Variants in NFIB observed in about 807,000 individuals in gnomAD.
NFIB encodes the protein nuclear factor I B.
In NFIB, 11 loss-of-function variants were observed where a neutral mutation model predicts 61.5. The observed-to-expected ratio is 0.18, with a 90% CI of 0.11 to 0.30. The LOEUF (loss-of-function observed/expected upper bound fraction) is 0.30. NFIB is among the 10% of genes least tolerant of loss of function. The probability of loss-of-function intolerance (pLI) is 1.00; values close to 1 mark genes in which losing one functional copy is unlikely to be tolerated. For missense variants in NFIB, 471 were observed against 608.9 expected (o/e 0.77, Z 2.38); for synonymous variants, 260 against 216.5 (o/e 1.20, Z -1.76).
At position 14,120,623 on chromosome 9, in the gene NFIB, G is replaced by T; in HGVS notation, c.1062C>A (p.Val354=). The T allele has an allele frequency of 1.3e-6, 2 of 1,594,074 alleles. No homozygotes were observed. Among genetic ancestry groups the T allele is most frequent in the South Asian group, 2.3e-5 (2 of 87,546 alleles). Reference sequence around the variant, plus strand: ...GTGGAGGTGGAGTTCGAGTTGAGATGACTGCAGAAGACAGAAAAGGAAAGA... The same window carrying T: ...GTGGAGGTGGAGTTCGAGTTGAGATTACTGCAGAAGACAGAAAAGGAAAGA... The part of the protein sequence containing the change: ...HPGIPGVAHS[V]ISTRTPPPPS... Residue 354 remains valine, a splice_region_variant and synonymous_variant, in exon 8 of 11, where the codon GTC becomes GTA. Coordinates refer to ENST00000380953, the MANE Select transcript of NFIB (RefSeq NM_001190737.2). The surrounding 1 kb of genome is among the most constrained non-coding windows in gnomAD (Gnocchi z 4.4).
intron 10 of NFIB, among the ~76,000 whole-genome samples, chr9:14,108,448 T>A (rs545965484): frequency 6.6e-6 from 1 of 152,270 alleles, no homozygotes; most frequent in South Asian, 2.1e-4. Flanking sequence ...GGCCATTTTG[T>A]GTAACAGAAA....
the NFIB span, among the ~76,000 whole-genome samples, chr9:14,522,935 G>C: frequency 6.6e-6 from 1 of 152,188 alleles, no homozygotes; most frequent in East Asian, 1.9e-4. Flanking sequence ...AGTGACTGGA[G>C]TGTTTGGGAG....
chr9:14,295,496 GGA>G (rs2059380049), intron 2 of NFIB, among the ~76,000 whole-genome samples: 5 of 151,978 alleles, frequency 3.3e-5, no homozygotes, highest in African/African-American at 9.7e-5. Flanking sequence ...CCGGGCGTGG[GGA>G]AGGGCGCCTG....
chr9:14,164,285 G>T (rs897025876), intron 3 of NFIB, among the ~76,000 whole-genome samples: 1 of 151,948 alleles, frequency 6.6e-6, no homozygotes, highest in East Asian at 1.9e-4. Context: ...GTGTTAATAG[G>T]CAATTTCATG....
chr9:14,280,554 G>A (rs950560434), intron 2 of NFIB, among the ~76,000 whole-genome samples: 2 of 152,048 alleles, frequency 1.3e-5, no homozygotes, highest in African/African-American at 2.4e-5. Context: ...GTGCTCCTGT[G>A]GTCAGTATTC....
intron 6 of NFIB, 124 bp downstream of exon 6, chr9:14,146,565 A>G: frequency 7.5e-7 from 1 of 1,340,264 alleles, no homozygotes; most frequent in Non-Finnish European, 1.0e-6. Flanking sequence ...ATTCTACAGG[A>G]ATCATTTTAT....
intron 1 of NFIB, among the ~76,000 whole-genome samples, chr9:14,348,940 C>T (rs911058231): frequency 6.6e-6 from 1 of 152,322 alleles, no homozygotes; most frequent in African/African-American, 2.4e-5. Context: ...TTCCTGGGCT[C>T]CCGCCCCCAC....
At chr9:14,341,354 C>T (rs2060947749) in intron 1 of NFIB, among the ~76,000 whole-genome samples, 1 of 152,184 alleles carries the variant, frequency 6.6e-6, no homozygotes, top group Non-Finnish European at 1.5e-5. Flanking sequence ...GAAGGATGGA[C>T]AGCTCTCTTT....
intron 2 of NFIB, among the ~76,000 whole-genome samples, chr9:14,248,199 C>G (rs1404580086): frequency 6.6e-6 from 1 of 151,650 alleles, no homozygotes; most frequent in African/African-American, 2.4e-5. Context: ...CTACTTCTTT[C>G]TTTCTTTCCT....
At chr9:14,334,118 C>G (rs2060855399) in intron 1 of NFIB, among the ~76,000 whole-genome samples, 1 of 152,126 alleles carries the variant, frequency 6.6e-6, no homozygotes, top group Non-Finnish European at 1.5e-5. Flanking sequence ...TATTCTGTAC[C>G]CAACAAACCT....
At chr9:14,112,816 A>C (rs1307846305) in intron 10 of NFIB, among the ~76,000 whole-genome samples, 183 bp downstream of exon 10, 2 of 152,206 alleles carry the variant, frequency 1.3e-5, no homozygotes, top group Admixed American at 1.3e-4. Flanking sequence ...CAATTTGAGA[A>C]ACTCTACTCA....
chr9:14,091,254 TAAAA>T (rs539772846), intron 10 of NFIB, among the ~76,000 whole-genome samples: 1 of 145,356 alleles, frequency 6.9e-6, no homozygotes, highest in African/African-American at 2.5e-5. Flanking sequence ...GTAGTCCTGT[TAAAA>T]AAAAAAACTT....
At chr9:14,253,888 A>G (rs1368824168) in intron 2 of NFIB, among the ~76,000 whole-genome samples, 1 of 152,096 alleles carries the variant, frequency 6.6e-6, no homozygotes, top group Non-Finnish European at 1.5e-5. Context: ...CTTGTATTCC[A>G]GCTACACTGG....
chr9:14,519,663 T>G, the NFIB span, among the ~76,000 whole-genome samples: 5 of 152,216 alleles, frequency 3.3e-5, no homozygotes, highest in Admixed American at 6.5e-5. Flanking sequence ...ACTATTAGCA[T>G]GAGGACCCAA....
chr9:14,133,215 C>A (rs1025254990), intron 6 of NFIB, among the ~76,000 whole-genome samples: 6 of 152,076 alleles, frequency 3.9e-5, no homozygotes, highest in African/African-American at 1.4e-4. Flanking sequence ...TAAACAAAAA[C>A]TCTGAATATT....
At chr9:14,201,732 T>C (rs2049054547) in intron 2 of NFIB, among the ~76,000 whole-genome samples, 3 of 152,148 alleles carry the variant, frequency 2.0e-5, no homozygotes, top group Non-Finnish European at 4.4e-5. Flanking sequence ...CAAATTTATC[T>C]TGGATGTACT....
intron 6 of NFIB, among the ~76,000 whole-genome samples, chr9:14,137,541 C>T (rs1199590891): frequency 2.0e-5 from 3 of 152,058 alleles, no homozygotes; most frequent in Admixed American, 2.0e-4. Flanking sequence ...TATTAGAACA[C>T]AAATCTTAGT....
At chr9:14,137,987 G>A (rs746091584) in intron 6 of NFIB, among the ~76,000 whole-genome samples, 22 of 151,988 alleles carry the variant, frequency 1.4e-4, no homozygotes, top group Non-Finnish European at 3.1e-4. Flanking sequence ...TAATTAGTTT[G>A]CAAAATCATA....
the NFIB span, among the ~76,000 whole-genome samples, chr9:14,450,382 C>T: frequency 2.0e-5 from 3 of 152,204 alleles, no homozygotes; most frequent in Admixed American, 6.5e-5. Flanking sequence ...GTTACTTTTC[C>T]ATGAACCTCT....
Sources: gnomAD v4.1 joint callset for allele counts (sites outside exome capture counted in the v4.1 genomes callset) on GRCh38, gnomAD v4.1.1 for gene constraint, Gnocchi (gnomAD v3.1) non-coding constraint, MANE v1.5 for transcripts, NCBI Gene and HGNC (gene_info 2026-07-23, HGNC 2026-07-21) for gene names.